The following KCNN2 variants were observed in gnomAD, a reference collection of about 807,000 sequenced individuals.
KCNN2 encodes the protein small conductance calcium-activated potassium channel protein 2.
KCNN2 carries 24 observed loss-of-function variants against 55.5 expected under a neutral mutation model. That is an observed-to-expected ratio of 0.43 (90% CI 0.31 to 0.61). The LOEUF is 0.61. KCNN2 is among the 20% of genes least tolerant of loss of function. The pLI is 0.08. For synonymous variants in KCNN2, 431 were observed against 336.1 expected (o/e 1.28, Z -3.09); for missense variants, 754 against 853.6 (o/e 0.88, Z 1.45).
chr5:114,348,032 G>C (rs766466353), intron 2 of KCNN2, among the ~76,000 whole-genome samples: 1 of 152,108 alleles, frequency 6.6e-6, no homozygotes, highest in Non-Finnish European at 1.5e-5. Flanking sequence ...ATGTCTTCTT[G>C]ACCACTGAGT....
chr5:114,104,025 G>T (rs754001596), intron 1 of KCNN2, among the ~76,000 whole-genome samples: 1 of 152,064 alleles, frequency 6.6e-6, no homozygotes, highest in Non-Finnish European at 1.5e-5. Context: ...TTTAGCTCTG[G>T]GAGAATTTGG....
chr5:114,301,133 C>T (rs952235159), intron 2 of KCNN2, among the ~76,000 whole-genome samples: 2 of 151,536 alleles, frequency 1.3e-5, no homozygotes, highest in Non-Finnish European at 2.9e-5. Context: ...ATGTAAATAA[C>T]GTCTCCAATA....
intron 1 of KCNN2, among the ~76,000 whole-genome samples, chr5:114,098,598 C>G (rs747876244): frequency 2.0e-5 from 3 of 151,964 alleles, no homozygotes; most frequent in Non-Finnish European, 2.9e-5. Context: ...CCCACTCCCC[C>G]CTGCACAATT....
intron 2 of KCNN2, among the ~76,000 whole-genome samples, chr5:114,371,613 C>T (rs899436000): frequency 6.6e-6 from 1 of 152,110 alleles, no homozygotes; most frequent in Non-Finnish European, 1.5e-5. Flanking sequence ...GAGACAGAAA[C>T]AGACTGTAAG....
chr5:114,339,741 T>C (rs1013102338), intron 2 of KCNN2, among the ~76,000 whole-genome samples: 1 of 151,936 alleles, frequency 6.6e-6, no homozygotes, highest in Non-Finnish European at 1.5e-5. Context: ...AGGTGGAAGT[T>C]GCTGTGAGCC....
intron 2 of KCNN2, among the ~76,000 whole-genome samples, chr5:114,356,037 G>A (rs1442284001): frequency 1.3e-5 from 2 of 152,082 alleles, no homozygotes; most frequent in African/African-American, 4.8e-5. Flanking sequence ...AAATGTCTGT[G>A]AGGCCCTTCA....
intron 2 of KCNN2, among the ~76,000 whole-genome samples, chr5:114,282,449 T>C (rs1755642986): frequency 6.6e-6 from 1 of 152,176 alleles, no homozygotes. Context: ...AATGTCTTTT[T>C]AAGTTTTTGC....
chr5:114,441,132 A>G (rs1166297446), intron 3 of KCNN2, among the ~76,000 whole-genome samples: 1 of 152,202 alleles, frequency 6.6e-6, no homozygotes, highest in Non-Finnish European at 1.5e-5. Context: ...ATTCACTGCA[A>G]AGTTGTAATA....
chr5:114,470,810 C>T (rs1761696212), intron 4 of KCNN2, among the ~76,000 whole-genome samples: 1 of 152,134 alleles, frequency 6.6e-6, no homozygotes, highest in Admixed American at 6.5e-5. Flanking sequence ...GCATATCCTC[C>T]TTTATCTAAA....
At chr5:114,397,915 A>G (rs1201374403) in intron 2 of KCNN2, among the ~76,000 whole-genome samples, 1 of 152,094 alleles carries the variant, frequency 6.6e-6, no homozygotes, top group Non-Finnish European at 1.5e-5. Context: ...TTTCTTATAG[A>G]TGCTGGATAT....
intron 2 of KCNN2, among the ~76,000 whole-genome samples, chr5:114,309,877 A>G (rs1317214575): frequency 6.6e-6 from 1 of 152,174 alleles, no homozygotes; most frequent in Non-Finnish European, 1.5e-5. Flanking sequence ...CTGAACCCTG[A>G]AGGGATAGGT....
chr5:114,384,987 C>A (rs1335360768), intron 2 of KCNN2, among the ~76,000 whole-genome samples: 1 of 152,156 alleles, frequency 6.6e-6, no homozygotes, highest in Admixed American at 6.5e-5. Context: ...TCTACATGTA[C>A]AGATCTGTCC....
chr5:114,098,200 A>C (rs1751301741), intron 1 of KCNN2, among the ~76,000 whole-genome samples: 1 of 151,928 alleles, frequency 6.6e-6, no homozygotes, highest in African/African-American at 2.4e-5. Context: ...CATTTGATCT[A>C]CCTGGATAAT....
At chr5:114,078,842 A>G (rs1000098225) in intron 1 of KCNN2, among the ~76,000 whole-genome samples, 26 of 152,292 alleles carry the variant, frequency 1.7e-4, no homozygotes, top group African/African-American at 6.0e-4. Flanking sequence ...AACTTGATAC[A>G]TCATATTCAA....
At chr5:114,364,056 G>T in intron 2 of KCNN2, 55 bp downstream of exon 2, 1 of 1,287,244 alleles carries the variant, frequency 7.8e-7, no homozygotes, top group Non-Finnish European at 1.1e-6. Context: ...TCAGCCTAGA[G>T]AAACGCAAGG....
rs553567346 is a variant in KCNN2, at chr5:114,351,766, AATTTT to A, written c.-184-9176_-184-9172del. ...ATTGATAGTTTGTATTACACTAATT[AATTTT>A]ATAACACTAAACTATGTATTCTTAT... On this transcript the variant is annotated intron_variant, in intron 2 of 10. Transcript: ENST00000512097. Among the ~76,000 whole-genome samples the A allele has an allele frequency of 1.7e-3, 260 of 151,898 alleles. 1 individual carries two copies. Among genetic ancestry groups the A allele is most frequent in the Non-Finnish European group, 2.6e-3 (176 of 67,696 alleles).
In KCNN2 at chr5:114,133,036, TA is replaced by T. The variant is rs201709804; in HGVS notation, c.-271+76537del. Among the ~76,000 whole-genome samples the T allele has an allele frequency of 8.9e-3, 1,351 of 152,330 alleles. 8 individuals are homozygous for T. The highest frequency in any genetic ancestry group is 0.024 in the Middle Eastern group (7 of 294). Reference sequence around the variant, plus strand: ...CTACCCATATTCCCAAAGTATCTAATACTGATTAGAATTATTTTAAAACCTG... The same window carrying T: ...CTACCCATATTCCCAAAGTATCTAATCTGATTAGAATTATTTTAAAACCTG... On this transcript the variant is annotated intron_variant, in intron 1 of 10. Transcript: ENST00000512097.
At chr5:114,348,600 A>T (rs1757155902) in intron 2 of KCNN2, among the ~76,000 whole-genome samples, 1 of 152,134 alleles carries the variant, frequency 6.6e-6, no homozygotes, top group African/African-American at 2.4e-5. Context: ...CCACAATTAA[A>T]ATAAAATGCC....
chr5:114,288,194 G>C (rs914506207), intron 2 of KCNN2, among the ~76,000 whole-genome samples: 13 of 152,230 alleles, frequency 8.5e-5, no homozygotes, highest in Admixed American at 7.8e-4. Context: ...CCTTTTTATG[G>C]AGTGAATAAC....
Sources: gnomAD v4.1 joint callset for allele counts (sites outside exome capture counted in the v4.1 genomes callset) on GRCh38, gnomAD v4.1.1 for gene constraint, MANE v1.5 for transcripts, NCBI Gene and HGNC (gene_info 2026-07-23, HGNC 2026-07-21) for gene names.